Variants in LRMDA observed in about 807,000 individuals in gnomAD.
LRMDA encodes the protein leucine rich melanocyte differentiation associated.
In LRMDA, 18 loss-of-function variants were observed where a neutral mutation model predicts 29.8. The ratio of observed to expected loss-of-function variants is 0.60; its 90% confidence interval spans 0.42 to 0.90. The LOEUF (loss-of-function observed/expected upper bound fraction) is 0.90, where lower values mean the gene tolerates loss of function less well. Among genes scored for constraint, LRMDA ranks in the 40% least tolerant of loss-of-function variants. The pLI is 0.00. For missense variants in LRMDA, 273 were observed against 273.9 expected, an observed-to-expected ratio of 1.00 and a Z score of 0.02; for synonymous variants, 125 against 109.4, an observed-to-expected ratio of 1.14 and a Z score of -0.89.
chr10:75,514,483 A>G (rs1313186950), intron 2 of LRMDA, among the ~76,000 whole-genome samples: 1 of 151,718 alleles, frequency 6.6e-6, no homozygotes, highest in Non-Finnish European at 1.5e-5. Flanking sequence ...TAGTTTGGAG[A>G]TATGTCCCCT....
intron 4 of LRMDA, 95 bp from the exon 5 acceptor site, chr10:76,058,571 C>T (rs1056659412): frequency 8.3e-5 from 83 of 1,001,650 alleles, no homozygotes; most frequent in Admixed American, 2.8e-4. Context: ...TCCAGAAGAC[C>T]GGATGGTGTG....
At chr10:76,036,238 G>A (rs1365970866) in intron 3 of LRMDA, 104 bp downstream of exon 3, 2 of 1,125,910 alleles carry the variant, frequency 1.8e-6, no homozygotes, top group Non-Finnish European at 1.2e-6. Context: ...TGAGTTTTAC[G>A]TGTCAGCTAA....
intron 6 of LRMDA, among the ~76,000 whole-genome samples, chr10:76,414,696 TA>T: frequency 6.6e-6 from 1 of 152,216 alleles, no homozygotes; most frequent in East Asian, 1.9e-4. Flanking sequence ...CTTCTGTGTG[TA>T]AGATTTGTAA....
At chr10:75,710,921 G>A (rs1842428033) in intron 2 of LRMDA, among the ~76,000 whole-genome samples, 1 of 152,258 alleles carries the variant, frequency 6.6e-6, no homozygotes, top group African/African-American at 2.4e-5. Context: ...ACATCTGAGT[G>A]AATGCTTAGT....
At chr10:75,697,165 T>A (rs979994801) in intron 2 of LRMDA, among the ~76,000 whole-genome samples, 2 of 152,166 alleles carry the variant, frequency 1.3e-5, no homozygotes, top group Non-Finnish European at 2.9e-5. Context: ...AAATAAAATG[T>A]TTATTGATTT....
At chr10:76,331,299 TG>T (rs1204577305) in intron 6 of LRMDA, among the ~76,000 whole-genome samples, 1 of 152,082 alleles carries the variant, frequency 6.6e-6, no homozygotes, top group Non-Finnish European at 1.5e-5. Context: ...AACAAAAAGA[TG>T]GGATGAACAA....
At chr10:75,909,859 G>A (rs934645660) in intron 2 of LRMDA, among the ~76,000 whole-genome samples, 6 of 152,180 alleles carry the variant, frequency 3.9e-5, no homozygotes, top group Admixed American at 3.3e-4. Flanking sequence ...ATATTTGTGA[G>A]TACTTCTAAA....
chr10:75,844,226 T>C (rs547656239), intron 2 of LRMDA, among the ~76,000 whole-genome samples: 1 of 152,334 alleles, frequency 6.6e-6, no homozygotes. Flanking sequence ...AATCCATCCA[T>C]GTCAGAGCAA....
In LRMDA at chr10:76,334,900, A is replaced by C. The variant is rs1361687418; in HGVS notation, c.601+10415A>C. 4.6e-5 allele frequency among the ~76,000 whole-genome samples: 7 copies of C among 152,362 alleles called. No homozygotes were observed. The East Asian group carries it at 9.7e-4, about 21-fold the overall frequency. On this transcript the variant is annotated intron_variant, in intron 6 of 6. Coordinates refer to ENST00000611255, the MANE Select transcript of LRMDA (RefSeq NM_001305581.2). ...TGGGCTCTGCCTTCAGGAATCCTAC[A>C]GTCTAATTGGAGACAAGGTCCTATG...
At chr10:75,699,199 T>TC (rs1311199491) in intron 2 of LRMDA, among the ~76,000 whole-genome samples, 5 of 121,986 alleles carry the variant, frequency 4.1e-5, no homozygotes, top group Non-Finnish European at 8.3e-5. Context: ...AGACTTGGTC[T>TC]CAAAAAAAAA....
chr10:75,721,037 G>A (rs1842560729), intron 2 of LRMDA, among the ~76,000 whole-genome samples: 2 of 152,198 alleles, frequency 1.3e-5, no homozygotes, highest in Non-Finnish European at 2.9e-5. Context: ...TGGAAGATAG[G>A]TGGAAATGAT....
intron 2 of LRMDA, among the ~76,000 whole-genome samples, chr10:75,797,772 A>G (rs1160924210): frequency 6.6e-6 from 1 of 152,130 alleles, no homozygotes; most frequent in Non-Finnish European, 1.5e-5. Flanking sequence ...GATATAGCAC[A>G]TTTAGTTTGT....
intron 6 of LRMDA, among the ~76,000 whole-genome samples, chr10:76,517,923 A>AATATATATATATAAACATATAT (rs1564564636): frequency 9.1e-5 from 8 of 87,542 alleles, no homozygotes; most frequent in Non-Finnish European, 1.0e-4. Context: ...GAAGCAGAGA[A>AATATATATATATAAACATATAT]ATATATATAT....
At chr10:76,303,671 C>T (rs527828480) in intron 5 of LRMDA, among the ~76,000 whole-genome samples, 1 of 151,420 alleles carries the variant, frequency 6.6e-6, no homozygotes, top group Non-Finnish European at 1.5e-5. Context: ...CAAATCTTCA[C>T]CGAGCTGGAT....
At chr10:75,802,972 A>ATAT (rs1454053897) in intron 2 of LRMDA, among the ~76,000 whole-genome samples, 8 of 110,034 alleles carry the variant, frequency 7.3e-5, no homozygotes, top group African/African-American at 1.3e-4. Context: ...ATATATATAT[A>ATAT]TTTTTTTTTT....
At chr10:75,955,479 G>T (rs1846648719) in intron 2 of LRMDA, among the ~76,000 whole-genome samples, 1 of 152,138 alleles carries the variant, frequency 6.6e-6, no homozygotes, top group Non-Finnish European at 1.5e-5. Flanking sequence ...TTATAACATG[G>T]CTTTGCTTTG....
intron 2 of LRMDA, among the ~76,000 whole-genome samples, chr10:75,696,740 A>G (rs1842240156): frequency 6.6e-6 from 1 of 152,194 alleles, no homozygotes; most frequent in East Asian, 1.9e-4. Flanking sequence ...CATGATGGAG[A>G]TGCAATCTGG....
At chr10:75,576,031 C>A (rs1296178365) in intron 2 of LRMDA, among the ~76,000 whole-genome samples, 1 of 151,954 alleles carries the variant, frequency 6.6e-6, no homozygotes, top group Admixed American at 6.6e-5. Flanking sequence ...CATTCACTCC[C>A]CTGAAAAGTG....
At chr10:76,282,230 G>A (rs952982816) in intron 5 of LRMDA, among the ~76,000 whole-genome samples, 2 of 152,136 alleles carry the variant, frequency 1.3e-5, no homozygotes, top group Non-Finnish European at 2.9e-5. Flanking sequence ...CTGGAAAATT[G>A]CCTTGCAGTT....
Sources: gnomAD v4.1 joint callset for allele counts (sites outside exome capture counted in the v4.1 genomes callset) on GRCh38, gnomAD v4.1.1 for gene constraint, MANE v1.5 for transcripts, NCBI Gene and HGNC (gene_info 2026-07-23, HGNC 2026-07-21) for gene names.